The following ROBO2 variants were observed in gnomAD, a reference collection of about 807,000 sequenced individuals.
ROBO2 encodes roundabout homolog 2.
Under a neutral mutation model 160.8 loss-of-function variants are expected in ROBO2, and 53 were observed. The observed-to-expected ratio is 0.33, with a 90% CI of 0.26 to 0.41. ROBO2 has a LOEUF of 0.41. Among genes scored for constraint, ROBO2 ranks in the 10% least tolerant of loss-of-function variants. The pLI, the probability that ROBO2 is intolerant of heterozygous loss-of-function variation, is 1.00. For missense variants in ROBO2, 1,577 were observed against 1,722.4 expected, an observed-to-expected ratio of 0.92 and a Z score of 1.49; for synonymous variants, 664 against 611.7, an observed-to-expected ratio of 1.09 and a Z score of -1.26.
At chr3:77,265,873 C>T (rs537632277) in intron 2 of ROBO2, among the ~76,000 whole-genome samples, 1 of 152,272 alleles carries the variant, frequency 6.6e-6, no homozygotes, top group African/African-American at 2.4e-5. Flanking sequence ...CAATAGACTA[C>T]TTTGGAGTAT....
chr3:76,830,187 A>C (rs1215188740), intron 2 of ROBO2, among the ~76,000 whole-genome samples: 1 of 151,936 alleles, frequency 6.6e-6, no homozygotes, highest in African/African-American at 2.4e-5. Flanking sequence ...CATGCATGCT[A>C]TTCTTTCCTT....
At chr3:76,005,416 T>C (rs1233515452) in intron 2 of ROBO2, among the ~76,000 whole-genome samples, 1 of 152,186 alleles carries the variant, frequency 6.6e-6, no homozygotes, top group Non-Finnish European at 1.5e-5. Context: ...AAGATTCCTA[T>C]GTTTTTGTTA....
At chr3:77,497,055 C>T (rs962947577) in intron 5 of ROBO2, among the ~76,000 whole-genome samples, 2 of 152,036 alleles carry the variant, frequency 1.3e-5, no homozygotes, top group Non-Finnish European at 2.9e-5. Context: ...AACCCTTATG[C>T]TCAACTAGGG....
At chr3:76,219,012 A>G (rs1356938566) in intron 2 of ROBO2, among the ~76,000 whole-genome samples, 1 of 152,194 alleles carries the variant, frequency 6.6e-6, no homozygotes, top group Non-Finnish European at 1.5e-5. Context: ...AATGCCGCAT[A>G]TCTACAACTA....
At chr3:77,287,545 A>T (rs1395597568) in intron 2 of ROBO2, among the ~76,000 whole-genome samples, 1 of 152,110 alleles carries the variant, frequency 6.6e-6, no homozygotes, top group Admixed American at 6.5e-5. Flanking sequence ...TATTTCTTTC[A>T]CATCTTTAGA....
At chr3:77,361,950 G>C (rs975679256) in intron 2 of ROBO2, among the ~76,000 whole-genome samples, 8 of 152,100 alleles carry the variant, frequency 5.3e-5, no homozygotes, top group Non-Finnish European at 7.4e-5. Context: ...GGTCCTAAGG[G>C]ATGAGCAAAA....
At chr3:76,252,751 A>T (rs1398349601) in intron 2 of ROBO2, among the ~76,000 whole-genome samples, 2 of 85,244 alleles carry the variant, frequency 2.3e-5, no homozygotes, top group Non-Finnish European at 5.0e-5. Context: ...AAACGCATGT[A>T]TATGTATACA....
chr3:76,439,300 A>C lies in ROBO2; in HGVS notation c.109+501698A>C, dbSNP rs746371909. 3.7e-5 allele frequency among the ~76,000 whole-genome samples: 5 copies of C among 136,738 alleles called. 1 individual carries two copies. Among genetic ancestry groups the C allele is most frequent in the Admixed American group, 1.6e-4 (2 of 12,758 alleles). The allele number at this position is 136,738 out of a possible 152,430, so 89.7% of individuals were successfully genotyped here. The stretch of plus-strand genomic sequence containing the variant: ...GTAAAATGGGATTCTGCTGAAGGTT[A>C]CAAAGAAGAGGTACGAAGAGCTGAA... On this transcript the variant is annotated intron_variant, in intron 2 of 26. Coordinates refer to the ROBO2 transcript ENST00000487694.
intron 2 of ROBO2, among the ~76,000 whole-genome samples, chr3:77,285,038 C>T (rs2060487905): frequency 1.3e-5 from 2 of 152,210 alleles, no homozygotes; most frequent in South Asian, 2.1e-4. Context: ...AGCCAGAAGC[C>T]GAAGGCCACA....
intron 2 of ROBO2, among the ~76,000 whole-genome samples, chr3:76,968,429 C>A (rs2059414974): frequency 6.6e-6 from 1 of 152,056 alleles, no homozygotes; most frequent in Non-Finnish European, 1.5e-5. Context: ...TCAATCTAAT[C>A]AAATAATATA....
intron 2 of ROBO2, among the ~76,000 whole-genome samples, chr3:76,731,723 A>C (rs967879736): frequency 1.3e-5 from 2 of 152,204 alleles, no homozygotes; most frequent in African/African-American, 4.8e-5. Context: ...GAGCCTGAAC[A>C]AGACACCACT....
chr3:76,483,780 C>T (rs2107378615), intron 2 of ROBO2, among the ~76,000 whole-genome samples: 1 of 152,194 alleles, frequency 6.6e-6, no homozygotes, highest in South Asian at 2.1e-4. Flanking sequence ...GAGTTCTCAT[C>T]CTTTAGCTCC....
intron 2 of ROBO2, among the ~76,000 whole-genome samples, chr3:76,955,883 T>G (rs1004914260): frequency 2.5e-5 from 3 of 121,876 alleles, no homozygotes; most frequent in Non-Finnish European, 5.2e-5. Context: ...GCAGTGAGAC[T>G]CCGTCAAAAA....
chr3:76,776,341 T>C (rs2062256579), intron 2 of ROBO2, among the ~76,000 whole-genome samples: 1 of 151,024 alleles, frequency 6.6e-6, no homozygotes, highest in Admixed American at 6.6e-5. Context: ...TTGTTTGATG[T>C]TTTTATGTTT....
intron 2 of ROBO2, among the ~76,000 whole-genome samples, chr3:75,991,697 A>C (rs2065577204): frequency 6.6e-6 from 1 of 152,100 alleles, no homozygotes; most frequent in African/African-American, 2.4e-5. Context: ...GAATTCAGTA[A>C]CAAGCAGAGG....
At chr3:77,247,211 A>G (rs2089828461) in intron 2 of ROBO2, among the ~76,000 whole-genome samples, 1 of 152,204 alleles carries the variant, frequency 6.6e-6, no homozygotes, top group South Asian at 2.1e-4. Context: ...GTCAATAATG[A>G]TGCTGCTGTG....
At chr3:76,569,019 G>A (rs1409582000) in intron 2 of ROBO2, among the ~76,000 whole-genome samples, 1 of 152,070 alleles carries the variant, frequency 6.6e-6, no homozygotes, top group Non-Finnish European at 1.5e-5. Flanking sequence ...TTTAGATATC[G>A]ATTATTCAAT....
At chr3:77,225,085 T>C (rs1296991606) in intron 2 of ROBO2, among the ~76,000 whole-genome samples, 1 of 151,846 alleles carries the variant, frequency 6.6e-6, no homozygotes, top group African/African-American at 2.4e-5. Flanking sequence ...TAATCATAAG[T>C]AATATTTTCC....
At chr3:77,445,782 A>T (rs1475390051) in intron 2 of ROBO2, among the ~76,000 whole-genome samples, 1 of 120,094 alleles carries the variant, frequency 8.3e-6, no homozygotes, top group Non-Finnish European at 1.8e-5. Context: ...AACAATTAAA[A>T]GGTTTTTTTT....
Sources: gnomAD v4.1 joint callset for allele counts (sites outside exome capture counted in the v4.1 genomes callset) on GRCh38, gnomAD v4.1.1 for gene constraint, MANE v1.5 for transcripts, NCBI Gene and HGNC (gene_info 2026-07-23, HGNC 2026-07-21) for gene names.